UTRN: variants seen among roughly 807,000 people sequenced by gnomAD.
UTRN encodes the protein dystrophin-related protein 1.
In UTRN, 283 loss-of-function variants were observed where a neutral mutation model predicts 463.9. The observed-to-expected ratio is 0.61, with a 90% CI of 0.55 to 0.67. The LOEUF is 0.67. Among genes scored for constraint, UTRN ranks in the 30% least tolerant of loss-of-function variants. The pLI is 0.00. For synonymous variants in UTRN, 1,442 were observed against 1,431.5 expected (o/e 1.01, Z -0.17); for missense variants, 3,922 against 4,084.3 (o/e 0.96, Z 1.08).
intron 51 of UTRN, among the ~76,000 whole-genome samples, chr6:144,641,805 C>T (rs1482791124): frequency 6.6e-6 from 1 of 152,146 alleles, no homozygotes; most frequent in Non-Finnish European, 1.5e-5. Flanking sequence ...ATACTCAAGA[C>T]CCGAATAATA....
At chr6:144,583,511 G>C in intron 51 of UTRN, 1 of 716,056 alleles carries the variant, frequency 1.4e-6, no homozygotes, top group Non-Finnish European at 2.6e-6. Context: ...GATGGCTGTG[G>C]TGAGAACGTC....
At chr6:144,844,270 C>CTT (rs543418042) in intron 73 of UTRN, among the ~76,000 whole-genome samples, 6 of 143,664 alleles carry the variant, frequency 4.2e-5, no homozygotes, top group Non-Finnish European at 1.5e-5. Flanking sequence ...CTTTCTCTCT[C>CTT]TTTTTTTTTT....
chr6:144,337,815 A>G (rs1231377035), intron 2 of UTRN, among the ~76,000 whole-genome samples: 1 of 152,088 alleles, frequency 6.6e-6, no homozygotes, highest in Admixed American at 6.5e-5. Context: ...GAGTCTTACC[A>G]TGTTGGCCAG....
chr6:144,741,837 C>T (rs1209212394), intron 54 of UTRN, among the ~76,000 whole-genome samples: 2 of 152,130 alleles, frequency 1.3e-5, no homozygotes, highest in Non-Finnish European at 2.9e-5. Context: ...CAACTCTGGG[C>T]TTATTTACTT....
rs762435013 is a variant in UTRN, at chr6:144,554,902, C to T, written c.7134+9C>T. 2.5e-6 allele frequency: 4 copies of T among 1,613,486 alleles called. No homozygotes were observed. Among genetic ancestry groups the T allele is most frequent in the Non-Finnish European group, 3.4e-6 (4 of 1,179,760 alleles). On this transcript the variant is annotated intron_variant, in intron 49 of 74. Transcript: ENST00000367545. ...AAATTTCTGATAACCAAGTAAGACT[C>T]ATCAGATATTTTTTGGCAGTATTGT... is the stretch of plus-strand genomic sequence containing the variant.
chr6:144,290,752 C>CTTTTTT lies in UTRN; in HGVS notation c.-92-961_-92-956dup, dbSNP rs200477118. ...TGGTCTACCTACAAGCCACAATCGT[C>CTTTTTT]TTTTTTTTTTTTTTTTTTTTTTTTT... On this transcript the variant is annotated intron_variant, in intron 1 of 74. Transcript: ENST00000367545. Among the ~76,000 whole-genome samples, 23 of 99,168 alleles carry CTTTTTT rather than the reference C, an allele frequency of 2.3e-4. 3 individuals carry two copies. Among genetic ancestry groups the CTTTTTT allele is most frequent in the Non-Finnish European group, 3.3e-4 (17 of 51,452 alleles). The allele number at this position is 99,168 out of a possible 152,430, so 65.1% of individuals were successfully genotyped here.
Position 144,767,638 on chromosome 6 carries a change from G to A in UTRN, c.8496-4269G>A, listed in dbSNP as rs189354459. Among the ~76,000 whole-genome samples the A allele has an allele frequency of 1.8e-3, 272 of 152,160 alleles. 2 individuals are homozygous for A. Among genetic ancestry groups the A allele is most frequent in the African/African-American group, 6.2e-3 (257 of 41,542 alleles). On this transcript the variant is annotated intron_variant, in intron 58 of 74. Coordinates refer to ENST00000367545, the MANE Select transcript of UTRN (RefSeq NM_007124.3). ...CAAATAGAATTTACACATAGAAAAA[G>A]TTTATCCAAAAAAGTTTACTTGGTA...
At chr6:144,435,285 A>T (rs1433374870) in intron 9 of UTRN, among the ~76,000 whole-genome samples, 1 of 152,206 alleles carries the variant, frequency 6.6e-6, no homozygotes, top group Non-Finnish European at 1.5e-5. Context: ...ATTTGGTTAT[A>T]AGCTCTTAAA....
In UTRN at chr6:144,820,899, T is replaced by C. The variant is rs754121784; in HGVS notation, c.9375T>C (p.Asp3125=). 6.2e-7 allele frequency: 1 copy of C among 1,613,602 alleles called. No individual in the cohort carries two copies. The highest frequency in any genetic ancestry group is 8.5e-7 in the Non-Finnish European group (1 of 1,179,730). Residue 3125 remains aspartate (D), a synonymous_variant, in exon 66 of 75, where the codon GAT becomes GAC. Coordinates refer to ENST00000367545, the MANE Select transcript of UTRN (RefSeq NM_007124.3). ...CCTTATAGACAACATCTGGGGAAGATGTACGAGACTTCACAAAGGTACTTA... is the reference window on the plus strand; with the variant it reads ...CCTTATAGACAACATCTGGGGAAGACGTACGAGACTTCACAAAGGTACTTA... ...EYCIPTTSGE[D]VRDFTKVLKN...
At chr6:144,434,819 G>A (rs1401259309) in intron 9 of UTRN, among the ~76,000 whole-genome samples, 3 of 152,340 alleles carry the variant, frequency 2.0e-5, no homozygotes, top group African/African-American at 7.2e-5. Context: ...GCTTCTGAAA[G>A]CTCAAGTTGC....
intron 69 of UTRN, among the ~76,000 whole-genome samples, chr6:144,830,790 C>G (rs1362562336): frequency 6.6e-6 from 1 of 151,130 alleles, no homozygotes; most frequent in Non-Finnish European, 1.5e-5. Flanking sequence ...TAATGTGTGG[C>G]CCAAGAAAAT....
intron 51 of UTRN, among the ~76,000 whole-genome samples, chr6:144,620,337 G>A (rs980457009): frequency 2.6e-5 from 4 of 152,014 alleles, no homozygotes; most frequent in African/African-American, 7.2e-5. Context: ...AATTAATCGG[G>A]GTGTGCATGC....
intron 52 of UTRN, among the ~76,000 whole-genome samples, chr6:144,699,046 T>C (rs138673246): frequency 0.013 from 1,998 of 152,324 alleles, 15 homozygotes; most frequent in Non-Finnish European, 0.02. Context: ...ATTTTCCAAC[T>C]TTTTGAAGTA....
chr6:144,488,667 GT>G lies in UTRN; in HGVS notation c.3973-5del, dbSNP rs1340201575. 3.7e-6 allele frequency: 6 copies of G among 1,610,294 alleles called. No homozygotes were observed. The African/African-American group carries it at 8.0e-5, about 22-fold the overall frequency. Reference sequence around the variant, plus strand: ...CAACTAATGATTCAATTTCTCCTTTGTGCAGGCAGAGAGCAAGCAGATTTCT... The same window carrying G: ...CAACTAATGATTCAATTTCTCCTTTGGCAGGCAGAGAGCAAGCAGATTTCT... On this transcript the variant is annotated splice_polypyrimidine_tract_variant and splice_region_variant and intron_variant, in intron 29 of 74. Transcript: ENST00000367545.
intron 50 of UTRN, among the ~76,000 whole-genome samples, chr6:144,559,167 G>A (rs577778378): frequency 7.2e-5 from 11 of 151,870 alleles, no homozygotes; most frequent in Admixed American, 2.0e-4. Context: ...GCAGTAGTTG[G>A]ATTAGATGGA....
chr6:144,578,699 GATT>G (rs1251627379), intron 51 of UTRN, among the ~76,000 whole-genome samples: 2 of 152,198 alleles, frequency 1.3e-5, no homozygotes, highest in East Asian at 3.8e-4. Context: ...CAAGGGCAGA[GATT>G]ATATTATCTG....
intron 23 of UTRN, among the ~76,000 whole-genome samples, chr6:144,472,827 G>C (rs1271534500): frequency 1.3e-5 from 2 of 150,670 alleles, no homozygotes; most frequent in Non-Finnish European, 2.9e-5. Context: ...GAGTGTAGTG[G>C]TGCCATCTTG....
At chr6:144,557,099 G>T in intron 49 of UTRN, 58 bp from the exon 50 acceptor site, 1 of 1,566,946 alleles carries the variant, frequency 6.4e-7, no homozygotes, top group Non-Finnish European at 8.7e-7. Flanking sequence ...CCATTGTTTT[G>T]ATTATACTAA....
rs1418740275 is a variant in UTRN, at chr6:144,700,206, A to G, written c.7772A>G (p.Asp2591Gly). The G allele has an allele frequency of 2.5e-6, 4 of 1,613,450 alleles. No homozygotes were observed. Among genetic ancestry groups the G allele is most frequent in the African/African-American group, 1.3e-5 (1 of 74,896 alleles). The change falls in exon 53 of 75, where the codon GAT becomes GGT. Residue 2591 changes from aspartate to glycine, a missense_variant. Transcript: ENST00000367545. Reference protein sequence around the residue: ...ELKKQMPIGGDVPALQLQYDH... With the variant: ...ELKKQMPIGGGVPALQLQYDH... Reference sequence around the variant, plus strand: ...AAGAAACAAATGCCTATTGGAGGAGATGTTCCAGCCTTACAGCTCCAGTAT... The same window carrying G: ...AAGAAACAAATGCCTATTGGAGGAGGTGTTCCAGCCTTACAGCTCCAGTAT...
Sources: gnomAD v4.1 joint callset for allele counts (sites outside exome capture counted in the v4.1 genomes callset) on GRCh38, gnomAD v4.1.1 for gene constraint, MANE v1.5 for transcripts, NCBI Gene and HGNC (gene_info 2026-07-23, HGNC 2026-07-21) for gene names.